RABGEF1: variants seen among roughly 807,000 people sequenced by gnomAD.
The protein encoded by RABGEF1 is RAB guanine nucleotide exchange factor 1, also known as rab5 GDP/GTP exchange factor.
In RABGEF1, 26 loss-of-function variants were observed where a neutral mutation model predicts 57.3. The ratio of observed to expected loss-of-function variants is 0.45; its 90% CI spans 0.33 to 0.63. The LOEUF (loss-of-function observed/expected upper bound fraction) is 0.63. Ranked by LOEUF, RABGEF1 falls within the 20% of genes least tolerant of loss-of-function variation. The pLI is 0.02. For missense variants in RABGEF1, 464 were observed against 607.6 expected (o/e 0.76, Z 2.48); for synonymous variants, 185 against 210.7 (o/e 0.88, Z 1.06).
intron 4 of RABGEF1, among the ~76,000 whole-genome samples, chr7:66,791,547 C>T (rs1301853792): frequency 6.6e-6 from 1 of 152,110 alleles, no homozygotes; most frequent in Admixed American, 6.5e-5. Flanking sequence ...AACAGCAGTA[C>T]AGACAAAACT....
At chr7:66,792,898 C>T (rs898341837) in intron 4 of RABGEF1, among the ~76,000 whole-genome samples, 22 of 152,152 alleles carry the variant, frequency 1.4e-4, no homozygotes, top group Admixed American at 2.0e-4. Flanking sequence ...AGATCTGTAA[C>T]ATAGTGTTAA....
At chr7:66,696,246 G>A (rs1423928233) in intron 1 of RABGEF1, among the ~76,000 whole-genome samples, 1 of 151,842 alleles carries the variant, frequency 6.6e-6, no homozygotes, top group Non-Finnish European at 1.5e-5. Context: ...TTATATTTTT[G>A]TAGAGACTGG....
chr7:66,662,163 C>T, the RABGEF1 span, among the ~76,000 whole-genome samples: 9 of 151,080 alleles, frequency 6.0e-5, no homozygotes, highest in African/African-American at 2.0e-4. Context: ...GGCATGAACC[C>T]GGGAGGGGCA....
chr7:66,748,514 C>CA (rs1394443353), intron 1 of RABGEF1, among the ~76,000 whole-genome samples: 3 of 152,158 alleles, frequency 2.0e-5, no homozygotes, highest in African/African-American at 7.2e-5. Flanking sequence ...GTGGGGGTAT[C>CA]ACGATGGAAC....
chr7:66,683,151 T>C (rs1790044779), intron 1 of RABGEF1, among the ~76,000 whole-genome samples: 1 of 152,188 alleles, frequency 6.6e-6, no homozygotes, highest in African/African-American at 2.4e-5. Flanking sequence ...TTTTTCCTTA[T>C]TATTTTTTTC....
At chr7:66,670,908 C>CACACAT in the RABGEF1 span, among the ~76,000 whole-genome samples, 1 of 151,820 alleles carries the variant, frequency 6.6e-6, no homozygotes, top group East Asian at 1.9e-4. Flanking sequence ...CACACACACA[C>CACACAT]ACACACACAC....
the RABGEF1 span, among the ~76,000 whole-genome samples, chr7:66,671,536 TA>T: frequency 2.7e-4 from 41 of 151,946 alleles, no homozygotes; most frequent in African/African-American, 9.4e-4. Context: ...TTTAAAGCAA[TA>T]AAAAAAAGAT....
the RABGEF1 span, among the ~76,000 whole-genome samples, chr7:66,659,451 C>CAA: frequency 1.7e-5 from 2 of 114,948 alleles, no homozygotes; most frequent in African/African-American, 3.3e-5. Flanking sequence ...GACTCCATCT[C>CAA]AAAAAAAAAA....
intron 2 of RABGEF1, among the ~76,000 whole-genome samples, chr7:66,774,584 T>G (rs1808045752): frequency 6.6e-6 from 1 of 152,194 alleles, no homozygotes; most frequent in African/African-American, 2.4e-5. Flanking sequence ...TGGAATGTCC[T>G]TTCACTTAGA....
intron 3 of RABGEF1, among the ~76,000 whole-genome samples, chr7:66,776,721 T>G (rs556922761): frequency 6.6e-6 from 1 of 152,222 alleles, no homozygotes; most frequent in Admixed American, 6.5e-5. Context: ...GAAAAAAGAT[T>G]GATTACATGA....
At chr7:66,781,533 G>A (rs1386822365) in intron 3 of RABGEF1, among the ~76,000 whole-genome samples, 2 of 151,968 alleles carry the variant, frequency 1.3e-5, no homozygotes, top group South Asian at 2.1e-4. Context: ...CCACCCAATA[G>A]GCCACGGTGT....
chr7:66,789,504 A>T (rs1165376827), intron 4 of RABGEF1, among the ~76,000 whole-genome samples: 1 of 151,966 alleles, frequency 6.6e-6, no homozygotes, highest in Non-Finnish European at 1.5e-5. Flanking sequence ...AACACGGTGA[A>T]ACCCCGTCTC....
chr7:66,801,947 A>C (rs1787387388), intron 7 of RABGEF1, among the ~76,000 whole-genome samples: 1 of 152,146 alleles, frequency 6.6e-6, no homozygotes, highest in Non-Finnish European at 1.5e-5. Flanking sequence ...TCTCTCTGTC[A>C]CCCAGGCTGG....
chr7:66,672,198 G>A, the RABGEF1 span, among the ~76,000 whole-genome samples: 2 of 151,626 alleles, frequency 1.3e-5, no homozygotes, highest in Admixed American at 6.6e-5. Context: ...CGAGGCAGGC[G>A]GATCACAAGG....
At chr7:66,727,649 G>A (rs1367262489) in intron 2 of RABGEF1, among the ~76,000 whole-genome samples, 1 of 152,240 alleles carries the variant, frequency 6.6e-6, no homozygotes, top group Non-Finnish European at 1.5e-5. Flanking sequence ...AGTGAGTCGG[G>A]AAGGCCGGCC....
intron 1 of RABGEF1, among the ~76,000 whole-genome samples, chr7:66,708,989 C>T (rs1794464350): frequency 6.6e-6 from 1 of 151,666 alleles, no homozygotes; most frequent in South Asian, 2.1e-4. Context: ...CTTGATTCTG[C>T]ATCAGTAGTA....
At chr7:66,697,820 G>A (rs1472408293) in intron 1 of RABGEF1, among the ~76,000 whole-genome samples, 1 of 152,088 alleles carries the variant, frequency 6.6e-6, no homozygotes, top group Non-Finnish European at 1.5e-5. Flanking sequence ...GAACTGCGGT[G>A]GGGCCATCGG....
intron 1 of RABGEF1, among the ~76,000 whole-genome samples, chr7:66,754,687 A>G (rs1407399574): frequency 3.3e-5 from 5 of 152,252 alleles, no homozygotes; most frequent in African/African-American, 1.2e-4. Context: ...AGCTTAGAGC[A>G]TAACACAAAT....
chr7:66,771,043 A>G (rs1002831618), intron 1 of RABGEF1, among the ~76,000 whole-genome samples: 1 of 152,072 alleles, frequency 6.6e-6, no homozygotes, highest in African/African-American at 2.4e-5. Context: ...ACCCCTTATT[A>G]GATATATGGT....
Sources: gnomAD v4.1 joint callset for allele counts (sites outside exome capture counted in the v4.1 genomes callset) on GRCh38, gnomAD v4.1.1 for gene constraint, MANE v1.5 for transcripts, NCBI Gene and HGNC (gene_info 2026-07-23, HGNC 2026-07-21) for gene names.